AMPH: variants seen among roughly 807,000 people sequenced by gnomAD.
AMPH encodes the protein amphiphysin, also known as amphiphysin (Stiff-Mann syndrome with breast cancer 128kD autoantigen).
In AMPH, 49 loss-of-function variants were observed where a neutral mutation model predicts 99.1. The observed-to-expected ratio is 0.49, with a 90% confidence interval of 0.39 to 0.63. The LOEUF is 0.63. Among genes scored for constraint, AMPH ranks in the 20% least tolerant of loss-of-function variants. The pLI is 0.00. For synonymous variants in AMPH, 314 were observed against 317.3 expected (o/e 0.99, Z 0.11); for missense variants, 759 against 863.4 (o/e 0.88, Z 1.52).
intron 17 of AMPH, among the ~76,000 whole-genome samples, chr7:38,417,239 C>G (rs1318550345): frequency 6.6e-6 from 1 of 152,088 alleles, no homozygotes; most frequent in Admixed American, 6.5e-5. Context: ...AGGGTAAGAG[C>G]AGGTTTCCAG....
intron 2 of AMPH, among the ~76,000 whole-genome samples, chr7:38,526,347 G>C (rs1417777361): frequency 6.8e-6 from 1 of 147,208 alleles, no homozygotes; most frequent in Non-Finnish European, 1.5e-5. Context: ...TCAGCTCACT[G>C]CAACCTCCGC....
At chr7:38,436,098 G>A (rs1056833808) in intron 12 of AMPH, among the ~76,000 whole-genome samples, 174 bp downstream of exon 12, 9 of 152,120 alleles carry the variant, frequency 5.9e-5, no homozygotes, top group Non-Finnish European at 1.3e-4. Context: ...GGGAGTCTTA[G>A]AATAACTGAT....
rs776017863 is a variant in AMPH at position 38,570,704 on chromosome 7, T to A, written c.70-35693A>T. On this transcript the variant is annotated intron_variant, in intron 1 of 20. Coordinates refer to ENST00000356264, the MANE Select transcript of AMPH (RefSeq NM_001635.4). The stretch of plus-strand genomic sequence containing the variant: ...ATCATTAGGGTGAATTCCCATCGAT[T>A]AAAAAAAAATAACTGTAAGTCAGCC... Among the ~76,000 whole-genome samples, 638 of 148,082 alleles carry A rather than the reference T, an allele frequency of 4.3e-3. 1 individual carries two copies. Among genetic ancestry groups the A allele is most frequent in the Non-Finnish European group, 6.8e-3 (459 of 67,234 alleles).
chr7:38,479,933 G>C (rs2129015886), intron 5 of AMPH, among the ~76,000 whole-genome samples: 1 of 151,970 alleles, frequency 6.6e-6, no homozygotes, highest in South Asian at 2.1e-4. Context: ...ATTAGACTGA[G>C]GCAAGCCCTA....
intron 11 of AMPH, among the ~76,000 whole-genome samples, chr7:38,456,478 C>T (rs1288935579): frequency 6.6e-6 from 1 of 152,204 alleles, no homozygotes; most frequent in Non-Finnish European, 1.5e-5. Flanking sequence ...AATCTCCCAG[C>T]CCAGTCTACC....
chr7:38,397,357 T>G lies in AMPH; in HGVS notation c.1399-3143A>C, dbSNP rs1393501890. Among the ~76,000 whole-genome samples, 4 of 152,220 alleles carry G rather than the reference T, an allele frequency of 2.6e-5. 1 individual carries two copies. Among genetic ancestry groups the G allele is most frequent in the Admixed American group, 2.6e-4 (4 of 15,288 alleles). On this transcript the variant is annotated intron_variant, in intron 17 of 20. Transcript: ENST00000356264. ...TTGTTCCATACGAACATAATGTTTA[T>G]TATTAACCTGTAACTTGTCTCTAGA...
chr7:38,414,677 T>G (rs1974673), intron 17 of AMPH, among the ~76,000 whole-genome samples: 46,076 of 152,042 alleles, frequency 0.3, 7,352 homozygotes, highest in African/African-American at 0.38. Flanking sequence ...GAATTTTTTT[T>G]TTTTTGAGAC....
intron 1 of AMPH, among the ~76,000 whole-genome samples, chr7:38,585,605 G>C (rs143115840): frequency 6.6e-6 from 1 of 152,272 alleles, no homozygotes; most frequent in South Asian, 2.1e-4. Flanking sequence ...TTTATACTAG[G>C]TTCTGCTGTT....
At chr7:38,542,967 G>A (rs1182289590) in intron 1 of AMPH, among the ~76,000 whole-genome samples, 1 of 151,888 alleles carries the variant, frequency 6.6e-6, no homozygotes, top group Non-Finnish European at 1.5e-5. Flanking sequence ...GTTGGTGCAC[G>A]CCTATAGTCC....
chr7:38,403,133 G>C (rs926184424), intron 17 of AMPH, among the ~76,000 whole-genome samples: 1 of 152,096 alleles, frequency 6.6e-6, no homozygotes, highest in South Asian at 2.1e-4. Context: ...AGTTACAGAC[G>C]AGTGGCCATG....
intron 1 of AMPH, among the ~76,000 whole-genome samples, chr7:38,563,202 G>A (rs1312286181): frequency 6.6e-6 from 1 of 152,042 alleles, no homozygotes; most frequent in Non-Finnish European, 1.5e-5. Flanking sequence ...TTCACCCAGG[G>A]GCAGCCTATT....
At chr7:38,389,970 A>T in intron 19 of AMPH, 65 bp from the exon 20 acceptor site, 1 of 1,240,136 alleles carries the variant, frequency 8.1e-7, no homozygotes, top group South Asian at 1.2e-5. Flanking sequence ...CACTCTTACA[A>T]GTCACTCTCC....
At chr7:38,502,724 C>T (rs1479463476) in intron 3 of AMPH, among the ~76,000 whole-genome samples, 2 of 152,198 alleles carry the variant, frequency 1.3e-5, no homozygotes, top group Non-Finnish European at 2.9e-5. Context: ...AAGTTTCCCA[C>T]TAATAAAACC....
In AMPH at chr7:38,631,267, G is replaced by A; in HGVS notation, c.69+16C>T. 1.3e-6 allele frequency: 2 copies of A among 1,514,220 alleles called. No homozygotes were observed. The highest frequency in any genetic ancestry group is 2.8e-5 in the East Asian group (1 of 35,756). The allele number at this position is 1,514,220 out of a possible 1,614,324, so 93.8% of individuals were successfully genotyped here. A position where few individuals can be genotyped will look rare whatever the true frequency, so the allele number is the denominator to read the frequency against. ...CCTGGCGTCCCCGGCCCCAGCCCCG[G>A]CCGCCCGCCGCTGACCTTTTCCTGC... is the stretch of plus-strand genomic sequence containing the variant. On this transcript the variant is annotated intron_variant, in intron 1 of 20. Coordinates refer to ENST00000356264, the MANE Select transcript of AMPH (RefSeq NM_001635.4).
intron 14 of AMPH, chr7:38,427,707 CAT>C (rs1227173038): frequency 2.8e-5 from 9 of 325,688 alleles, no homozygotes; most frequent in African/African-American, 1.4e-4. Flanking sequence ...TCAAGAAGTA[CAT>C]GACAATCTGT....
chr7:38,583,959 TAGAG>T (rs1792556623), intron 1 of AMPH, among the ~76,000 whole-genome samples: 1 of 152,198 alleles, frequency 6.6e-6, no homozygotes, highest in African/African-American at 2.4e-5. Flanking sequence ...ATGACAGGGT[TAGAG>T]AGAGACAGGA....
intron 14 of AMPH, chr7:38,428,010 T>C (rs1270238527): frequency 4.4e-6 from 2 of 456,704 alleles, no homozygotes; most frequent in Non-Finnish European, 8.8e-6. Context: ...CTCCTGGCTT[T>C]GTTCCCAGCA....
chr7:38,421,254 G>A (rs994787462), intron 16 of AMPH, among the ~76,000 whole-genome samples: 8 of 152,212 alleles, frequency 5.3e-5, no homozygotes, highest in Non-Finnish European at 1.2e-4. Flanking sequence ...GTAGGTGTGA[G>A]TTTAATTATA....
At chr7:38,391,235 C>T (rs914545475) in intron 19 of AMPH, among the ~76,000 whole-genome samples, 3 of 152,166 alleles carry the variant, frequency 2.0e-5, no homozygotes, top group Non-Finnish European at 2.9e-5. Context: ...AAACCTTCTT[C>T]CCATTAACTT....
Sources: gnomAD v4.1 joint callset for allele counts (sites outside exome capture counted in the v4.1 genomes callset) on GRCh38, gnomAD v4.1.1 for gene constraint, MANE v1.5 for transcripts, NCBI Gene and HGNC (gene_info 2026-07-23, HGNC 2026-07-21) for gene names.